Variants in ATRNL1 observed in about 807,000 individuals in gnomAD.
ATRNL1 encodes attractin-like protein 1.
A neutral mutation model predicts 182.7 loss-of-function variants in ATRNL1; 95 were observed. The ratio of observed to expected loss-of-function variants is 0.52; its 90% CI spans 0.44 to 0.62. ATRNL1 has a LOEUF of 0.62. ATRNL1 is among the 20% of genes least tolerant of loss of function. The pLI is 0.00. For missense variants in ATRNL1, 1,471 were observed against 1,679.5 expected, an observed-to-expected ratio of 0.88 and a Z score of 2.17; for synonymous variants, 576 against 568.3, an observed-to-expected ratio of 1.01 and a Z score of -0.19.
At chr10:115,797,077 C>T (rs1378552695) in intron 27 of ATRNL1, among the ~76,000 whole-genome samples, 2 of 152,058 alleles carry the variant, frequency 1.3e-5, no homozygotes, top group Non-Finnish European at 2.9e-5. Context: ...GAATAACAAA[C>T]ATAAAGGCTT....
intron 17 of ATRNL1, among the ~76,000 whole-genome samples, chr10:115,302,862 G>T (rs1178741229): frequency 1.3e-5 from 2 of 151,996 alleles, no homozygotes; most frequent in African/African-American, 4.8e-5. Context: ...CTGCTTGGGA[G>T]AAAAAAGTGC....
At chr10:115,471,452 A>G (rs1286828025) in intron 24 of ATRNL1, among the ~76,000 whole-genome samples, 3 of 150,964 alleles carry the variant, frequency 2.0e-5, no homozygotes, top group Non-Finnish European at 3.0e-5. Context: ...ACCAGTTTAC[A>G]TTCCACCAAT....
chr10:115,279,459 C>T lies in ATRNL1; in HGVS notation c.2101-1896C>T, dbSNP rs554326147. ...TTTCTATCATGTCGGACATAATTTT[C>T]CAAGGGCAATAGGAGGTGTCATCTG... On this transcript the variant is annotated intron_variant, in intron 13 of 28. Coordinates refer to ENST00000355044, the MANE Select transcript of ATRNL1 (RefSeq NM_207303.4). Among the ~76,000 whole-genome samples the T allele has an allele frequency of 3.3e-5, 5 of 152,142 alleles. No homozygotes were observed. The East Asian group carries it at 9.7e-4, about 29-fold the overall frequency.
At chr10:115,372,401 T>G (rs555091337) in intron 19 of ATRNL1, among the ~76,000 whole-genome samples, 2 of 152,332 alleles carry the variant, frequency 1.3e-5, no homozygotes, top group South Asian at 4.1e-4. Flanking sequence ...TTTTTTTGTC[T>G]ATTTTTAAGC....
At chr10:115,133,425 C>T (rs1317734724) in intron 5 of ATRNL1, among the ~76,000 whole-genome samples, 2 of 152,044 alleles carry the variant, frequency 1.3e-5, no homozygotes, top group Admixed American at 1.3e-4. Context: ...AGACTTTAAA[C>T]CAACAAACAT....
intron 26 of ATRNL1, among the ~76,000 whole-genome samples, chr10:115,585,376 G>A (rs1184797586): frequency 1.7e-4 from 19 of 113,784 alleles, no homozygotes; most frequent in African/African-American, 6.4e-4. Context: ...ATTAATGTGT[G>A]GGAGTCTAAG....
At chr10:115,629,669 C>A (rs553035967) in intron 26 of ATRNL1, among the ~76,000 whole-genome samples, 9 of 152,256 alleles carry the variant, frequency 5.9e-5, no homozygotes, top group Admixed American at 3.9e-4. Context: ...CTTCTGATGG[C>A]ATCACTGAAT....
intron 27 of ATRNL1, among the ~76,000 whole-genome samples, chr10:115,776,308 C>T (rs570796128): frequency 1.3e-5 from 2 of 152,222 alleles, no homozygotes; most frequent in African/African-American, 4.8e-5. Flanking sequence ...ATAGTATATG[C>T]CACTACCAAG....
intron 1 of ATRNL1, among the ~76,000 whole-genome samples, chr10:115,114,827 G>A (rs1163725198): frequency 2.0e-5 from 3 of 151,974 alleles, no homozygotes; most frequent in Non-Finnish European, 2.9e-5. Context: ...AAAAAAATAT[G>A]GAGGTTCATC....
At chr10:115,278,194 G>A (rs959800809) in intron 13 of ATRNL1, among the ~76,000 whole-genome samples, 3 of 152,102 alleles carry the variant, frequency 2.0e-5, no homozygotes, top group African/African-American at 2.4e-5. Context: ...GGCTGTTTTC[G>A]AATTCACTGG....
chr10:115,441,441 G>C (rs189005292), intron 21 of ATRNL1, among the ~76,000 whole-genome samples: 1 of 151,954 alleles, frequency 6.6e-6, no homozygotes, highest in East Asian at 1.9e-4. Flanking sequence ...TCGAACAGTT[G>C]AAACAGTCTA....
intron 19 of ATRNL1, among the ~76,000 whole-genome samples, chr10:115,362,153 A>G (rs1372184189): frequency 6.6e-6 from 1 of 152,078 alleles, no homozygotes; most frequent in South Asian, 2.1e-4. Flanking sequence ...TTGTAAATCT[A>G]GGGCTTTTTT....
At chr10:115,284,283 A>G (rs1011204406) in intron 14 of ATRNL1, among the ~76,000 whole-genome samples, 6 of 152,210 alleles carry the variant, frequency 3.9e-5, no homozygotes, top group African/African-American at 1.4e-4. Context: ...TGATTTGTCA[A>G]TGAACTATTT....
At chr10:115,113,190 T>G (rs547324556) in intron 1 of ATRNL1, among the ~76,000 whole-genome samples, 3 of 152,310 alleles carry the variant, frequency 2.0e-5, no homozygotes, top group Admixed American at 6.5e-5. Flanking sequence ...ACTTTCTGGA[T>G]GGCCAAAATA....
At chr10:115,836,033 A>G (rs2420124) in intron 27 of ATRNL1, among the ~76,000 whole-genome samples, 73,229 of 152,068 alleles carry the variant, frequency 0.48, 18,973 homozygotes, top group East Asian at 0.76. Flanking sequence ...CTCAGAATCT[A>G]TTTCCTGGGG....
At chr10:115,277,912 T>C (rs1852176911) in intron 13 of ATRNL1, among the ~76,000 whole-genome samples, 1 of 152,170 alleles carries the variant, frequency 6.6e-6, no homozygotes, top group Middle Eastern at 3.2e-3. Flanking sequence ...GAAGCCTCAA[T>C]GGAGGAAATG....
intron 26 of ATRNL1, among the ~76,000 whole-genome samples, chr10:115,628,149 A>G (rs1169182283): frequency 1.3e-5 from 2 of 150,028 alleles, no homozygotes. Context: ...TCTGTCTCAA[A>G]AAAAAAAAAA....
intron 19 of ATRNL1, among the ~76,000 whole-genome samples, chr10:115,355,069 T>C (rs1214778388): frequency 6.6e-6 from 1 of 152,082 alleles, no homozygotes; most frequent in Non-Finnish European, 1.5e-5. Context: ...TGCATCATGT[T>C]TTCTCAAAAC....
chr10:115,293,238 A>G (rs1259819269), intron 15 of ATRNL1, among the ~76,000 whole-genome samples: 6 of 151,870 alleles, frequency 4.0e-5, no homozygotes, highest in East Asian at 3.9e-4. Context: ...TAGTCTATAT[A>G]TGTCTTTCCA....
Sources: allele counts gnomAD v4.1 joint callset (sites outside exome capture counted in the v4.1 genomes callset), GRCh38; gene constraint gnomAD v4.1.1; transcripts MANE v1.5; gene names NCBI Gene and HGNC (gene_info 2026-07-23, HGNC 2026-07-21).